The following PAK1 variants were observed in gnomAD, a reference collection of about 807,000 sequenced individuals.
PAK1 encodes serine/threonine-protein kinase PAK 1.
Under a neutral mutation model 67.4 loss-of-function variants are expected in PAK1, and 29 were observed. That is an observed-to-expected ratio of 0.43 (90% CI 0.32 to 0.59). PAK1 has a LOEUF of 0.59. Ranked by LOEUF, PAK1 falls within the 20% of genes least tolerant of loss-of-function variation. The pLI, the probability that PAK1 is intolerant of heterozygous loss-of-function variation, is 0.07. For missense variants in PAK1, 337 were observed against 670.7 expected, an observed-to-expected ratio of 0.50 and a Z score of 5.50; for synonymous variants, 223 against 237.4, an observed-to-expected ratio of 0.94 and a Z score of 0.56.
At chr11:77,399,666 C>T (rs904260925) in intron 1 of PAK1, among the ~76,000 whole-genome samples, 4 of 151,230 alleles carry the variant, frequency 2.6e-5, no homozygotes, top group South Asian at 2.1e-4. Flanking sequence ...GAGACCATCC[C>T]GGCTAAAACG....
intron 1 of PAK1, among the ~76,000 whole-genome samples, chr11:77,440,620 C>T (rs1956312885): frequency 6.6e-6 from 1 of 152,160 alleles, no homozygotes; most frequent in Non-Finnish European, 1.5e-5. Flanking sequence ...AATCTTTCTA[C>T]TAAACCATTA....
At chr11:77,521,718 G>A in the PAK1 span, among the ~76,000 whole-genome samples, 2 of 152,174 alleles carry the variant, frequency 1.3e-5, no homozygotes, top group South Asian at 2.1e-4. Flanking sequence ...GCTTGGCTTG[G>A]TTAGCTCCCT....
intron 1 of PAK1, among the ~76,000 whole-genome samples, chr11:77,417,842 C>T (rs1955053313): frequency 6.6e-6 from 1 of 151,838 alleles, no homozygotes; most frequent in African/African-American, 2.4e-5. Flanking sequence ...TCAAGCAATC[C>T]TCGTGCCTCA....
the PAK1 span, among the ~76,000 whole-genome samples, chr11:77,495,733 A>G: frequency 6.6e-6 from 1 of 152,212 alleles, no homozygotes; most frequent in East Asian, 1.9e-4. Flanking sequence ...CTTCTTGCAC[A>G]TGCTACAACA....
intron 1 of PAK1, among the ~76,000 whole-genome samples, chr11:77,450,044 T>A (rs539544803): frequency 6.6e-6 from 1 of 152,284 alleles, no homozygotes; most frequent in South Asian, 2.1e-4. Flanking sequence ...TTCAGACTCC[T>A]TTTCTGCGAA....
intron 1 of PAK1, among the ~76,000 whole-genome samples, chr11:77,447,433 T>C (rs1956663351): frequency 1.3e-5 from 2 of 152,192 alleles, no homozygotes; most frequent in Admixed American, 6.5e-5. Context: ...CTCATCTATC[T>C]TGCCCGTGGT....
chr11:77,349,521 C>T (rs988898606), intron 8 of PAK1: 9 of 506,994 alleles, frequency 1.8e-5, no homozygotes, highest in African/African-American at 1.3e-4. Flanking sequence ...CTACCTAGTA[C>T]CTACTAGGTA....
intron 8 of PAK1, among the ~76,000 whole-genome samples, chr11:77,352,472 C>T (rs1442356542): frequency 6.6e-6 from 1 of 152,162 alleles, no homozygotes; most frequent in Non-Finnish European, 1.5e-5. Context: ...TCCTATCACC[C>T]AGTAACACTG....
At chr11:77,333,871 T>C (rs1007608311) in intron 13 of PAK1, among the ~76,000 whole-genome samples, 1 of 151,912 alleles carries the variant, frequency 6.6e-6, no homozygotes, top group Non-Finnish European at 1.5e-5. Context: ...TAAAAAGATA[T>C]GTCTAGGGCC....
upstream of PAK1, among the ~76,000 whole-genome samples, chr11:77,478,566 A>G (rs891927045): frequency 3.3e-5 from 5 of 151,980 alleles, no homozygotes; most frequent in African/African-American, 9.7e-5. Context: ...TGAGCTCAGG[A>G]GTTCAAGACC....
At chr11:77,380,301 C>T (rs1949648957) in intron 2 of PAK1, among the ~76,000 whole-genome samples, 1 of 152,134 alleles carries the variant, frequency 6.6e-6, no homozygotes, top group Non-Finnish European at 1.5e-5. Context: ...CAAGACCAGC[C>T]TAGGCAACAT....
At chr11:77,404,430 G>T (rs944431015) in intron 1 of PAK1, among the ~76,000 whole-genome samples, 2 of 151,934 alleles carry the variant, frequency 1.3e-5, no homozygotes, top group African/African-American at 2.4e-5. Context: ...ACCACACCAG[G>T]CTAATTTTTT....
At chr11:77,453,346 C>G (rs184113038) in intron 1 of PAK1, among the ~76,000 whole-genome samples, 2 of 152,032 alleles carry the variant, frequency 1.3e-5, no homozygotes, top group Admixed American at 1.3e-4. Context: ...AAGAGCAAAA[C>G]TCAGTCTCAG....
At chr11:77,453,478 C>A in intron 1 of PAK1, among the ~76,000 whole-genome samples, 1 of 147,810 alleles carries the variant, frequency 6.8e-6, no homozygotes, top group African/African-American at 2.5e-5. Flanking sequence ...TTAACATGAA[C>A]TTGTAAGTAT....
At chr11:77,443,650 T>G (rs1016874503) in intron 1 of PAK1, among the ~76,000 whole-genome samples, 6 of 152,222 alleles carry the variant, frequency 3.9e-5, no homozygotes, top group Non-Finnish European at 8.8e-5. Flanking sequence ...GAGCCAGGAT[T>G]GAACCTCAAA....
chr11:77,345,291 C>CA (rs1279538301), intron 9 of PAK1, among the ~76,000 whole-genome samples: 2 of 150,514 alleles, frequency 1.3e-5, no homozygotes, highest in East Asian at 3.9e-4. Context: ...AGGAAGATGG[C>CA]AAGAGAGAAA....
chr11:77,481,534 G>T, the PAK1 span, among the ~76,000 whole-genome samples: 1 of 152,006 alleles, frequency 6.6e-6, no homozygotes, highest in Non-Finnish European at 1.5e-5. Context: ...AATTAGCCAG[G>T]TGTGGTAGCA....
chr11:77,487,001 A>G, the PAK1 span, among the ~76,000 whole-genome samples: 1 of 152,186 alleles, frequency 6.6e-6, no homozygotes, highest in African/African-American at 2.4e-5. Flanking sequence ...CACCTCTCCC[A>G]CAGCACCAGG....
chr11:77,527,210 C>T, the PAK1 span, among the ~76,000 whole-genome samples: 1 of 152,022 alleles, frequency 6.6e-6, no homozygotes, highest in African/African-American at 2.4e-5. Flanking sequence ...TCAAGGAATC[C>T]TCCCATCTCA....
Sources: gnomAD v4.1 joint callset for allele counts (sites outside exome capture counted in the v4.1 genomes callset) on GRCh38, gnomAD v4.1.1 for gene constraint, MANE v1.5 for transcripts, NCBI Gene and HGNC (gene_info 2026-07-23, HGNC 2026-07-21) for gene names.